CDH23: variants seen among roughly 807,000 people sequenced by gnomAD.
The protein encoded by CDH23 is cadherin related 23.
In CDH23, 189 loss-of-function variants were observed where a neutral mutation model predicts 317.1. That is an observed-to-expected ratio of 0.60 (90% CI 0.53 to 0.67). The LOEUF is 0.67. Ranked by LOEUF, CDH23 falls within the 30% of genes least tolerant of loss-of-function variation. CDH23 has a pLI of 0.00. For synonymous variants in CDH23, 1,839 were observed against 1,876.8 expected, an observed-to-expected ratio of 0.98 and a Z score of 0.52; for missense variants, 4,401 against 4,592.4, an observed-to-expected ratio of 0.96 and a Z score of 1.20.
intron 19 of CDH23, among the ~76,000 whole-genome samples, chr10:71,688,433 C>T (rs1425668409): frequency 1.3e-5 from 2 of 152,092 alleles, no homozygotes; most frequent in Non-Finnish European, 2.9e-5. Context: ...ATGCTGGAGC[C>T]AGGGATGGTA....
rs1372637648 is a variant in CDH23, at chr10:71,815,905, G to A, written c.*627G>A. The A allele has an allele frequency of 6.3e-6, 1 of 157,798 alleles. No homozygotes were observed. Among genetic ancestry groups the A allele is most frequent in the African/African-American group, 2.4e-5 (1 of 41,550 alleles). The allele number at this position is 157,798 out of a possible 1,614,324, so 9.8% of individuals were successfully genotyped here. A position where few individuals can be genotyped will look rare whatever the true frequency, so the allele number is the denominator to read the frequency against. On this transcript the variant is annotated 3_prime_UTR_variant, in exon 70 of 70. Transcript: ENST00000224721. The stretch of plus-strand genomic sequence containing the variant: ...TGTTCCCTCCGGTTTTGAATGTGGA[G>A]TGTTTGTGTGTGTTCCTTTTTTAAA...
At chr10:71,433,936 G>C (rs1318935992) in intron 1 of CDH23, among the ~76,000 whole-genome samples, 1 of 151,396 alleles carries the variant, frequency 6.6e-6, no homozygotes, top group Non-Finnish European at 1.5e-5. Flanking sequence ...AGCAGCCAGG[G>C]TGCTTCTTGA....
chr10:71,561,226 C>T (rs538635990), intron 6 of CDH23, among the ~76,000 whole-genome samples: 65 of 152,128 alleles, frequency 4.3e-4, no homozygotes, highest in African/African-American at 1.5e-3. Flanking sequence ...CCCGTTTTCA[C>T]TCTGGCCCTC....
chr10:71,519,092 C>G (rs1389035744), intron 6 of CDH23, among the ~76,000 whole-genome samples: 1 of 152,180 alleles, frequency 6.6e-6, no homozygotes, highest in Non-Finnish European at 1.5e-5. Context: ...CCGATTCTAG[C>G]TGGGAGTCTT....
At position 71,489,471 on chromosome 10, in the gene CDH23, C is replaced by G. The variant is rs553614355; in HGVS notation, c.146-20611C>G. Among the ~76,000 whole-genome samples the G allele has an allele frequency of 8.5e-5, 13 of 152,278 alleles. 1 individual carries two copies. In the South Asian group the frequency reaches 2.7e-3, roughly 32 times the overall value. ...ACTGGTATTTGCAAGCCTCTCTTTC[C>G]ATTATTGAAACACAGTAAACATGTT... is the stretch of plus-strand genomic sequence containing the variant. On this transcript the variant is annotated intron_variant, in intron 3 of 69. Coordinates refer to ENST00000224721, the MANE Select transcript of CDH23 (RefSeq NM_022124.6).
chr10:71,516,962 C>T (rs1397473361), intron 6 of CDH23, among the ~76,000 whole-genome samples: 1 of 152,160 alleles, frequency 6.6e-6, no homozygotes, highest in Non-Finnish European at 1.5e-5. Flanking sequence ...GTGTGTTCAT[C>T]CCTCCCGCCA....
intron 3 of CDH23, among the ~76,000 whole-genome samples, chr10:71,446,742 G>A (rs989975617): frequency 1.3e-5 from 2 of 152,202 alleles, no homozygotes; most frequent in African/African-American, 4.8e-5. Context: ...TGATTACTAA[G>A]TTTTCTGCAT....
At chr10:71,758,127 A>T (rs1397124652) in intron 38 of CDH23, among the ~76,000 whole-genome samples, 3 of 152,172 alleles carry the variant, frequency 2.0e-5, no homozygotes, top group Admixed American at 2.0e-4. Flanking sequence ...TGAGCCCAGG[A>T]GTTCGAGACC....
At position 71,454,920 on chromosome 10, in the gene CDH23, G is replaced by A. The variant is rs540116269; in HGVS notation, c.145+8525G>A. Among the ~76,000 whole-genome samples the A allele has an allele frequency of 5.3e-5, 8 of 150,126 alleles. No homozygotes were observed. The East Asian group carries it at 1.6e-3, about 29-fold the overall frequency. Reference sequence around the variant, plus strand: ...AGTGGCGCAATCATGGCTCACTGCAGCCTCAAACTTCTGGACTCAAGTGAT... The same window carrying A: ...AGTGGCGCAATCATGGCTCACTGCAACCTCAAACTTCTGGACTCAAGTGAT... On this transcript the variant is annotated intron_variant, in intron 3 of 69. Transcript: ENST00000224721.
intron 6 of CDH23, among the ~76,000 whole-genome samples, chr10:71,543,041 G>A (rs753895982): frequency 8.5e-5 from 13 of 152,208 alleles, no homozygotes; most frequent in Non-Finnish European, 1.6e-4. Context: ...GTGCTCTAAG[G>A]TCATTGTAAT....
chr10:71,638,937 CTGA>C (rs1862401072), intron 11 of CDH23, among the ~76,000 whole-genome samples: 1 of 152,094 alleles, frequency 6.6e-6, no homozygotes, highest in African/African-American at 2.4e-5. Flanking sequence ...TGGCAGCCGG[CTGA>C]TAAGGCGCTG....
chr10:71,815,885 C>T lies in CDH23; in HGVS notation c.*607C>T. 1 of 157,130 alleles carries T rather than the reference C, an allele frequency of 6.4e-6. No homozygotes were observed. Among genetic ancestry groups the T allele is most frequent in the South Asian group, 1.9e-4 (1 of 5,332 alleles). 9.7% of individuals were successfully genotyped at this position (157,130 alleles called of 1,614,324 possible). ...TTATAAACAGAAGTGACTGATGTTC[C>T]CTCCGGTTTTGAATGTGGAGTGTTT... On this transcript the variant is annotated 3_prime_UTR_variant, in exon 70 of 70. Transcript: ENST00000224721.
At chr10:71,662,570 A>G (rs1480180285) in intron 14 of CDH23, among the ~76,000 whole-genome samples, 1 of 152,092 alleles carries the variant, frequency 6.6e-6, no homozygotes, top group African/African-American at 2.4e-5. Flanking sequence ...GGTTGACTGG[A>G]CTGTCTTTGC....
chr10:71,457,643 C>G (rs1175368047), intron 3 of CDH23, among the ~76,000 whole-genome samples: 2 of 152,186 alleles, frequency 1.3e-5, no homozygotes, highest in Non-Finnish European at 2.9e-5. Flanking sequence ...AGACCAGGCC[C>G]CGGACTGGGG....
At chr10:71,507,821 C>T (rs1235514667) in intron 3 of CDH23, among the ~76,000 whole-genome samples, 4 of 152,258 alleles carry the variant, frequency 2.6e-5, no homozygotes, top group African/African-American at 9.6e-5. Context: ...TTATCTGTGA[C>T]TTTCACATAC....
At position 71,482,056 on chromosome 10, in the gene CDH23, G is replaced by A. The variant is rs571442617; in HGVS notation, c.146-28026G>A. ...ATCAGGAGCCTGACTGAGGCCCTTCGCAATGAGGGCCTGGCCAAGTCCCTG... is the reference window on the plus strand; with the variant it reads ...ATCAGGAGCCTGACTGAGGCCCTTCACAATGAGGGCCTGGCCAAGTCCCTG... On this transcript the variant is annotated intron_variant, in intron 3 of 69. Coordinates refer to ENST00000224721, the MANE Select transcript of CDH23 (RefSeq NM_022124.6). Among the ~76,000 whole-genome samples, 23 of 152,234 alleles carry A rather than the reference G, an allele frequency of 1.5e-4. No homozygotes were observed. In the East Asian group the frequency reaches 2.5e-3, roughly 17 times the overall value.
At chr10:71,724,891 G>A (rs1447761498) in intron 29 of CDH23, among the ~76,000 whole-genome samples, 2 of 152,202 alleles carry the variant, frequency 1.3e-5, no homozygotes, top group Admixed American at 1.3e-4. Flanking sequence ...GAAAAATCAG[G>A]GTGCTGTGCC....
intron 28 of CDH23, chr10:71,713,619 C>T (rs557409775): frequency 7.7e-5 from 25 of 323,894 alleles, no homozygotes; most frequent in African/African-American, 3.0e-4. Context: ...TGAGGATTTG[C>T]GAGAGTGTGG....
At chr10:71,740,723 C>A in intron 36 of CDH23, 99 bp from the exon 37 acceptor site, 1 of 1,529,574 alleles carries the variant, frequency 6.5e-7, no homozygotes, top group Non-Finnish European at 8.9e-7. Context: ...TTTGCCCTCC[C>A]AAATGCTCCC....
Sources: gnomAD v4.1 joint callset for allele counts (sites outside exome capture counted in the v4.1 genomes callset) on GRCh38, gnomAD v4.1.1 for gene constraint, MANE v1.5 for transcripts, NCBI Gene and HGNC (gene_info 2026-07-23, HGNC 2026-07-21) for gene names.